The following TMEM120B variants were observed in gnomAD, a reference collection of about 807,000 sequenced individuals.
TMEM120B encodes the protein transmembrane protein 120B.
TMEM120B carries 31 observed loss-of-function variants against 55.5 expected under a neutral mutation model. That is an observed-to-expected ratio of 0.56 (90% CI 0.42 to 0.75). The LOEUF (loss-of-function observed/expected upper bound fraction) is 0.75, where lower values mean the gene tolerates loss of function less well. Among genes scored for constraint, TMEM120B ranks in the 30% least tolerant of loss-of-function variants. The pLI is 0.00. For synonymous variants in TMEM120B, 203 were observed against 176.3 expected (o/e 1.15, Z -1.20); for missense variants, 399 against 425.5 (o/e 0.94, Z 0.55).
At chr12:121,767,043 C>A (rs1873871416) in intron 6 of TMEM120B, among the ~76,000 whole-genome samples, 1 of 152,202 alleles carries the variant, frequency 6.6e-6, no homozygotes, top group African/African-American at 2.4e-5. Flanking sequence ...AGGGAGAAGT[C>A]TACCCTTGCA....
chr12:121,778,473 TCCCAGACCCTCGGC>T lies in TMEM120B; in HGVS notation c.*2760_*2773del, dbSNP rs1874322879. The T allele has an allele frequency of 7.2e-6, 1 of 139,522 alleles. No individual in the cohort carries two copies. Among genetic ancestry groups the T allele is most frequent in the Non-Finnish European group, 1.5e-5 (1 of 66,144 alleles). 8.6% of individuals were successfully genotyped at this position (139,522 alleles called of 1,614,324 possible). A position where few individuals can be genotyped will look rare whatever the true frequency, so the allele number is the denominator to read the frequency against. On this transcript the variant is annotated 3_prime_UTR_variant, in exon 12 of 12. Coordinates refer to ENST00000449592, the MANE Select transcript of TMEM120B (RefSeq NM_001080825.2). ...CCCAAAAAAAAAAAAAAAAAAAAAT[TCCCAGACCCTCGGC>T]CCCAGACCTTCCCAAAGGAGGCTCA...
In TMEM120B at chr12:121,772,202, C is replaced by T. The variant is rs1202934123; in HGVS notation, c.679+653C>T. Among the ~76,000 whole-genome samples the T allele has an allele frequency of 3.3e-5, 5 of 151,780 alleles. No homozygotes were observed. The East Asian group carries it at 9.7e-4, about 29-fold the overall frequency. On this transcript the variant is annotated intron_variant, in intron 8 of 11. Transcript: ENST00000449592. The stretch of plus-strand genomic sequence containing the variant: ...GGAGTGCAGTGGCGCGATCTTGGCT[C>T]ACTGCAACCTCCGCCTCCTGGGTTC...
At chr12:121,743,807 A>G (rs1873004613) in intron 2 of TMEM120B, 60 bp downstream of exon 2, 1 of 1,220,036 alleles carries the variant, frequency 8.2e-7, no homozygotes, top group African/African-American at 1.5e-5. Flanking sequence ...TCCAACTCAA[A>G]ACAGGCTGAA....
At chr12:121,770,769 G>A (rs1874015409) in intron 6 of TMEM120B, 138 bp from the exon 7 acceptor site, 1 of 754,298 alleles carries the variant, frequency 1.3e-6, no homozygotes, top group Non-Finnish European at 2.3e-6. Context: ...GCACGGTCAG[G>A]GTTCCAGTCT....
intron 1 of TMEM120B, among the ~76,000 whole-genome samples, chr12:121,726,588 A>AT (rs1202188646): frequency 1.4e-4 from 21 of 148,916 alleles, no homozygotes; most frequent in African/African-American, 5.0e-4. Flanking sequence ...CAAAAAAAAA[A>AT]ATAAAATAAA....
At position 121,771,820 on chromosome 12, in the gene TMEM120B, C is replaced by T. The variant is rs550706971; in HGVS notation, c.679+271C>T. On this transcript the variant is annotated intron_variant, in intron 8 of 11. Coordinates refer to ENST00000449592, the MANE Select transcript of TMEM120B (RefSeq NM_001080825.2). ...ACTGAGTAGCATTGGGGATACCAGC[C>T]TTTTTTCCAGTCCTAAATAAGTCCT... Among the ~76,000 whole-genome samples the T allele has an allele frequency of 5.9e-5, 9 of 152,152 alleles. No homozygotes were observed. In the East Asian group the frequency reaches 1.7e-3, roughly 29 times the overall value.
intron 6 of TMEM120B, among the ~76,000 whole-genome samples, chr12:121,764,738 T>C (rs1873793244): frequency 6.6e-6 from 1 of 152,130 alleles, no homozygotes; most frequent in Non-Finnish European, 1.5e-5. Context: ...AGCTTTTTAT[T>C]CTAATGTGAC....
At chr12:121,751,452 C>T (rs1047344305) in intron 4 of TMEM120B, among the ~76,000 whole-genome samples, 1 of 148,890 alleles carries the variant, frequency 6.7e-6, no homozygotes, top group African/African-American at 2.5e-5. Context: ...CCGTCTCACG[C>T]TTTTCACCTG....
chr12:121,773,295 TA>T, intron 8 of TMEM120B, 125 bp from the exon 9 acceptor site: 1 of 781,676 alleles, frequency 1.3e-6, no homozygotes, highest in Non-Finnish European at 2.1e-6. Context: ...GAGAGGGTTG[TA>T]ACCAGGGCAC....
intron 1 of TMEM120B, among the ~76,000 whole-genome samples, chr12:121,739,271 T>G (rs1338429122): frequency 6.6e-6 from 1 of 151,990 alleles, no homozygotes; most frequent in Non-Finnish European, 1.5e-5. Flanking sequence ...AGTAAAGAGA[T>G]ATGAACAGTA....
At chr12:121,758,394 C>T (rs1322822677) in intron 5 of TMEM120B, 18 of 984,914 alleles carry the variant, frequency 1.8e-5, no homozygotes, top group South Asian at 9.4e-5. Context: ...CCCAGCCCCG[C>T]GCTGTGGTCA....
intron 1 of TMEM120B, among the ~76,000 whole-genome samples, chr12:121,729,046 C>A (rs1375067015): frequency 1.3e-5 from 2 of 152,222 alleles, no homozygotes; most frequent in Non-Finnish European, 2.9e-5. Context: ...TCTCCTGGAG[C>A]CTGTGGCCAG....
At chr12:121,770,818 A>AC in intron 6 of TMEM120B, 89 bp from the exon 7 acceptor site, 1 of 1,202,582 alleles carries the variant, frequency 8.3e-7, no homozygotes, top group South Asian at 1.2e-5. Context: ...GTGCAGAGTA[A>AC]CCCCTGCTGC....
Position 121,765,158 on chromosome 12 carries a change from C to T in TMEM120B, c.551+3420C>T, listed in dbSNP as rs187917691. Among the ~76,000 whole-genome samples, 68 of 135,502 alleles carry T rather than the reference C, an allele frequency of 5.0e-4. No individual in the cohort carries two copies. In the East Asian group the frequency reaches 0.011, roughly 22 times the overall value. The allele number at this position is 135,502 out of a possible 152,430, so 88.9% of individuals were successfully genotyped here. On this transcript the variant is annotated intron_variant, in intron 6 of 11. Transcript: ENST00000449592. ...TTTTTTTTTTTTTTTGAGACAGAGT[C>T]GTGCTCTGTCACTTAGGCTGGAGTG...
chr12:121,739,145 C>T (rs942849483), intron 1 of TMEM120B, among the ~76,000 whole-genome samples: 5 of 152,130 alleles, frequency 3.3e-5, no homozygotes, highest in African/African-American at 1.2e-4. Flanking sequence ...CAAGATCGCA[C>T]CACTGTACTC....
chr12:121,757,503 G>A (rs1156313316), intron 5 of TMEM120B, among the ~76,000 whole-genome samples: 4 of 148,450 alleles, frequency 2.7e-5, no homozygotes, highest in East Asian at 2.0e-4. Flanking sequence ...CACTGCGCCC[G>A]GCTAATTATT....
At chr12:121,762,548 C>T (rs1340863757) in intron 6 of TMEM120B, among the ~76,000 whole-genome samples, 1 of 152,158 alleles carries the variant, frequency 6.6e-6, no homozygotes, top group African/African-American at 2.4e-5. Flanking sequence ...CCAGGGATTG[C>T]AGTGCTGTGA....
At chr12:121,755,845 C>T (rs1022261855) in intron 5 of TMEM120B, among the ~76,000 whole-genome samples, 7 of 152,106 alleles carry the variant, frequency 4.6e-5, no homozygotes, top group African/African-American at 7.2e-5. Flanking sequence ...TCAGTTGGGG[C>T]AGTTGAGGAC....
At chr12:121,716,797 G>A (rs1362584068) in intron 1 of TMEM120B, among the ~76,000 whole-genome samples, 11 of 152,024 alleles carry the variant, frequency 7.2e-5, no homozygotes, top group African/African-American at 1.4e-4. Context: ...TCCTGACCTC[G>A]TGATCCATCT....
Sources: gnomAD v4.1 joint callset for allele counts (sites outside exome capture counted in the v4.1 genomes callset) on GRCh38, gnomAD v4.1.1 for gene constraint, MANE v1.5 for transcripts, NCBI Gene and HGNC (gene_info 2026-07-23, HGNC 2026-07-21) for gene names.